Variants in KSR1 observed in about 807,000 individuals in gnomAD.
KSR1 encodes kinase suppressor of ras 1.
A neutral mutation model predicts 92.9 loss-of-function variants in KSR1; 35 were observed. The observed-to-expected ratio is 0.38, with a 90% confidence interval of 0.29 to 0.50. KSR1 has a LOEUF of 0.50. Among genes scored for constraint, KSR1 ranks in the 20% least tolerant of loss-of-function variants. The pLI, the probability that KSR1 is intolerant of heterozygous loss-of-function variation, is 0.94. For missense variants in KSR1, 972 were observed against 1,158.5 expected (o/e 0.84, Z 2.34); for synonymous variants, 467 against 472.6 (o/e 0.99, Z 0.15).
chr17:27,607,255 G>C (rs1280909352), intron 14 of KSR1, among the ~76,000 whole-genome samples: 1 of 152,064 alleles, frequency 6.6e-6, no homozygotes, highest in Non-Finnish European at 1.5e-5. Context: ...GTTTTCAAAG[G>C]CTCTGAGACT....
chr17:27,615,736 C>T (rs1239209514), intron 18 of KSR1, among the ~76,000 whole-genome samples: 1 of 152,142 alleles, frequency 6.6e-6, no homozygotes. Context: ...TGTCTCATAT[C>T]GTGCCCTCTC....
intron 11 of KSR1, chr17:27,602,076 G>A: frequency 1.5e-6 from 1 of 679,232 alleles, no homozygotes; most frequent in Non-Finnish European, 2.6e-6. Flanking sequence ...GTAACTGAAG[G>A]TGATGAGCAT....
intron 2 of KSR1, among the ~76,000 whole-genome samples, chr17:27,565,901 C>T (rs968571429): frequency 6.6e-6 from 1 of 152,152 alleles, no homozygotes; most frequent in African/African-American, 2.4e-5. Context: ...GCATGGACTC[C>T]AGTTCACGGT....
intron 1 of KSR1, among the ~76,000 whole-genome samples, chr17:27,513,514 G>A (rs976569869): frequency 1.3e-5 from 2 of 152,280 alleles, no homozygotes; most frequent in South Asian, 2.1e-4. Flanking sequence ...CTTGTGTTGG[G>A]TGTACCTGGA....
At chr17:27,620,142 A>T (rs1331077388) in intron 19 of KSR1, among the ~76,000 whole-genome samples, 3 of 152,250 alleles carry the variant, frequency 2.0e-5, no homozygotes, top group African/African-American at 7.2e-5. Context: ...GATGGTCTGG[A>T]GGAACGACTG....
intron 3 of KSR1, among the ~76,000 whole-genome samples, chr17:27,581,105 C>T (rs781168197): frequency 2.0e-5 from 3 of 152,078 alleles, no homozygotes; most frequent in Non-Finnish European, 2.9e-5. Context: ...GGAGAGGCAT[C>T]GGGAAGGCTC....
At chr17:27,569,579 G>T (rs912145623) in intron 2 of KSR1, among the ~76,000 whole-genome samples, 4 of 152,354 alleles carry the variant, frequency 2.6e-5, no homozygotes, top group Admixed American at 2.0e-4. Context: ...TGTGAACTAA[G>T]AATGGTTTTT....
At chr17:27,531,332 T>A (rs2070528647) in intron 1 of KSR1, among the ~76,000 whole-genome samples, 1 of 152,262 alleles carries the variant, frequency 6.6e-6, no homozygotes, top group African/African-American at 2.4e-5. Context: ...CCCTTCTGCC[T>A]CACAGGCCCA....
intron 1 of KSR1, among the ~76,000 whole-genome samples, chr17:27,485,840 A>G (rs1048335609): frequency 6.6e-6 from 1 of 152,020 alleles, no homozygotes; most frequent in Non-Finnish European, 1.5e-5. Context: ...CAAAACCTTG[A>G]TTTCCTTTTT....
At chr17:27,526,626 G>A (rs750762124) in intron 1 of KSR1, 2 of 1,563,854 alleles carry the variant, frequency 1.3e-6, no homozygotes, top group Non-Finnish European at 1.8e-6. Context: ...CAGTCCTCGT[G>A]CATCTTTTTT....
chr17:27,585,827 G>A (rs934316922), intron 5 of KSR1, 166 bp downstream of exon 5: 7 of 670,042 alleles, frequency 1.0e-5, no homozygotes, highest in African/African-American at 8.9e-5. Context: ...CCTAAGACAG[G>A]TGGCCTTAAA....
At chr17:27,568,282 C>T (rs954515772) in intron 2 of KSR1, among the ~76,000 whole-genome samples, 1 of 152,220 alleles carries the variant, frequency 6.6e-6, no homozygotes, top group East Asian at 1.9e-4. Flanking sequence ...TGGCCTGGCT[C>T]ATCTCCCATC....
chr17:27,486,679 G>A (rs1448974404), intron 1 of KSR1, among the ~76,000 whole-genome samples: 1 of 152,150 alleles, frequency 6.6e-6, no homozygotes, highest in East Asian at 1.9e-4. Flanking sequence ...TGGGATTTGT[G>A]GTCCCCTCCC....
chr17:27,526,025 T>TC (rs1182542980), intron 1 of KSR1, among the ~76,000 whole-genome samples: 311 of 100,148 alleles, frequency 3.1e-3, no homozygotes, highest in Non-Finnish European at 4.5e-3. Context: ...TTCTTTTCTT[T>TC]TCTTTTCTTT....
At chr17:27,600,168 C>T (rs2073503330) in intron 10 of KSR1, among the ~76,000 whole-genome samples, 1 of 138,356 alleles carries the variant, frequency 7.2e-6, no homozygotes, top group South Asian at 2.3e-4. Context: ...GATGTGGTGG[C>T]TCACGCCTGT....
At chr17:27,582,034 C>T (rs1410584557) in intron 3 of KSR1, among the ~76,000 whole-genome samples, 1 of 152,144 alleles carries the variant, frequency 6.6e-6, no homozygotes, top group Non-Finnish European at 1.5e-5. Context: ...TTCACACACC[C>T]AGCTTCCCTT....
At chr17:27,515,243 A>G (rs985394385) in intron 1 of KSR1, among the ~76,000 whole-genome samples, 1 of 152,216 alleles carries the variant, frequency 6.6e-6, no homozygotes, top group African/African-American at 2.4e-5. Context: ...ATTGTCAACA[A>G]CAGACCACGT....
In KSR1 at chr17:27,610,082, A is replaced by G. The variant is rs2073872535; in HGVS notation, c.2241A>G (p.Leu747=). Residue 747 remains leucine, a synonymous_variant, in exon 17 of 21, where the codon CTA becomes CTG. Coordinates refer to ENST00000644974, the MANE Select transcript of KSR1 (RefSeq NM_001394583.1). The part of the protein sequence containing the change: ...VVREGRRENQ[L]KLSHDWLCYL... ...TGGTCTCCAGGCGTGAGAACCAGCT[A>G]AAGCTGTCCCACGACTGGCTGTGCT... is the stretch of plus-strand genomic sequence containing the variant. The G allele has an allele frequency of 1.9e-6, 3 of 1,613,826 alleles. No homozygotes were observed. Among genetic ancestry groups the G allele is most frequent in the Non-Finnish European group, 1.7e-6 (2 of 1,179,842 alleles).
chr17:27,495,918 G>A (rs905747192), intron 1 of KSR1, among the ~76,000 whole-genome samples: 1 of 152,164 alleles, frequency 6.6e-6, no homozygotes, highest in African/African-American at 2.4e-5. Context: ...GGAACAGTTT[G>A]GAAAGTGCTT....
Sources: gnomAD v4.1 joint callset for allele counts (sites outside exome capture counted in the v4.1 genomes callset) on GRCh38, gnomAD v4.1.1 for gene constraint, MANE v1.5 for transcripts, NCBI Gene and HGNC (gene_info 2026-07-23, HGNC 2026-07-21) for gene names.